HDAC9: variants seen among roughly 807,000 people sequenced by gnomAD.
The protein encoded by HDAC9 is histone deacetylase 9.
A neutral mutation model predicts 139.4 loss-of-function variants in HDAC9; 41 were observed. The observed-to-expected ratio is 0.29, with a 90% CI of 0.23 to 0.38. The LOEUF (loss-of-function observed/expected upper bound fraction) is 0.38. Among genes scored for constraint, HDAC9 ranks in the 10% least tolerant of loss-of-function variants. The pLI, the probability that HDAC9 is intolerant of heterozygous loss-of-function variation, is 1.00. For missense variants in HDAC9, 1,147 were observed against 1,297.0 expected, an observed-to-expected ratio of 0.88 and a Z score of 1.78; for synonymous variants, 517 against 476.2, an observed-to-expected ratio of 1.09 and a Z score of -1.12.
intron 12 of HDAC9, among the ~76,000 whole-genome samples, chr7:18,717,640 A>T (rs1230884872): frequency 6.6e-6 from 1 of 152,122 alleles, no homozygotes; most frequent in Non-Finnish European, 1.5e-5. Flanking sequence ...CATGTTGGTC[A>T]GACTGGTCTC....
chr7:18,269,961 C>G (rs1796250231), intron 2 of HDAC9, among the ~76,000 whole-genome samples: 1 of 152,052 alleles, frequency 6.6e-6, no homozygotes, highest in Non-Finnish European at 1.5e-5. Flanking sequence ...ACAGGGGTTT[C>G]TCAACCTCAG....
chr7:18,100,259 G>C (rs1217301104), intron 1 of HDAC9, among the ~76,000 whole-genome samples: 1 of 151,766 alleles, frequency 6.6e-6, no homozygotes, highest in Non-Finnish European at 1.5e-5. Flanking sequence ...TGAACAATTT[G>C]ATTTTAATGT....
chr7:18,788,072 A>G (rs531187507), intron 16 of HDAC9, among the ~76,000 whole-genome samples: 15 of 152,278 alleles, frequency 9.9e-5, no homozygotes, highest in African/African-American at 3.1e-4. Flanking sequence ...TCAGGGTTCC[A>G]TGGCAACCTC....
intron 17 of HDAC9, among the ~76,000 whole-genome samples, chr7:18,794,847 A>G (rs1253344935): frequency 6.6e-6 from 1 of 152,230 alleles, no homozygotes; most frequent in Non-Finnish European, 1.5e-5. Context: ...TTATAATTTT[A>G]AAGATTATGC....
intron 2 of HDAC9, among the ~76,000 whole-genome samples, chr7:18,517,189 A>G (rs1188028670): frequency 1.3e-5 from 2 of 152,228 alleles, no homozygotes; most frequent in East Asian, 3.8e-4. Context: ...AAGGTTAAGC[A>G]GTGCAGGGCG....
rs201142177 is a variant in HDAC9, at chr7:18,732,750, T to TAC, written c.1909+5000_1909+5001dup. Among the ~76,000 whole-genome samples, 104 of 62,680 alleles carry TAC rather than the reference T, an allele frequency of 1.7e-3. 8 individuals are homozygous for TAC. Among genetic ancestry groups the TAC allele is most frequent in the African/African-American group, 6.3e-3 (57 of 9,070 alleles). The allele number at this position is 62,680 out of a possible 152,430, so 41.1% of individuals were successfully genotyped here. The stretch of plus-strand genomic sequence containing the variant: ...ACACACGTGTATGTGTGCGTATGTG[T>TAC]ACACACACGTGTATGTGTGCGTATG... On this transcript the variant is annotated intron_variant, in intron 13 of 25. Coordinates refer to ENST00000686413, the MANE Select transcript of HDAC9 (RefSeq NM_178425.4).
intron 1 of HDAC9, among the ~76,000 whole-genome samples, chr7:18,151,012 TA>T (rs1786739528): frequency 6.6e-6 from 1 of 152,212 alleles, no homozygotes; most frequent in Non-Finnish European, 1.5e-5. Flanking sequence ...TGGATTGAGC[TA>T]TTTATATGTG....
At chr7:18,401,269 T>A (rs1302994811) in intron 1 of HDAC9, among the ~76,000 whole-genome samples, 2 of 152,100 alleles carry the variant, frequency 1.3e-5, no homozygotes, top group Non-Finnish European at 2.9e-5. Context: ...AAACTTATAC[T>A]CAAGGAAAGG....
At chr7:18,480,055 TC>T (rs111767145) in intron 1 of HDAC9, among the ~76,000 whole-genome samples, 1 of 151,872 alleles carries the variant, frequency 6.6e-6, no homozygotes, top group African/African-American at 2.4e-5. Context: ...TATTTTTTTT[TC>T]CCTAGTCTGC....
chr7:18,816,214 T>G (rs1472517986), intron 17 of HDAC9, among the ~76,000 whole-genome samples: 1 of 152,228 alleles, frequency 6.6e-6, no homozygotes, highest in Non-Finnish European at 1.5e-5. Flanking sequence ...CTACAATCTT[T>G]AGTAGACATA....
intron 2 of HDAC9, among the ~76,000 whole-genome samples, chr7:18,279,925 A>C (rs1001124357): frequency 9.9e-5 from 15 of 152,204 alleles, no homozygotes; most frequent in Admixed American, 2.6e-4. Context: ...CTAGTGTCGA[A>C]AGGGGAATTC....
chr7:18,371,178 C>T (rs77616620), intron 1 of HDAC9, among the ~76,000 whole-genome samples: 3 of 152,190 alleles, frequency 2.0e-5, no homozygotes, highest in Non-Finnish European at 2.9e-5. Flanking sequence ...CCAGTTGCTC[C>T]GCAGCAATAA....
At chr7:18,729,004 G>A (rs1217090238) in intron 13 of HDAC9, among the ~76,000 whole-genome samples, 1 of 152,036 alleles carries the variant, frequency 6.6e-6, no homozygotes, top group Non-Finnish European at 1.5e-5. Context: ...CAGATATTCC[G>A]GAAAACCCAG....
chr7:18,086,836 CGCGCGCCGCCGCCCGCTCAGCTCGCA>C (rs1285589167), upstream of HDAC9: 2 of 149,960 alleles, frequency 1.3e-5, no homozygotes, highest in Admixed American at 1.3e-4. Flanking sequence ...GCAAATTCTC[CGCGCGCCGCCGCCCGCTCAGCTCGCA>C]GCTCGCAGCC....
At chr7:18,215,013 G>A (rs984899303) in intron 2 of HDAC9, among the ~76,000 whole-genome samples, 2 of 151,986 alleles carry the variant, frequency 1.3e-5, no homozygotes, top group Non-Finnish European at 2.9e-5. Flanking sequence ...TAAGTACTAT[G>A]GTATGATAAT....
At chr7:18,866,688 A>G (rs908367607) in intron 21 of HDAC9, among the ~76,000 whole-genome samples, 6 of 152,232 alleles carry the variant, frequency 3.9e-5, no homozygotes, top group African/African-American at 1.2e-4. Flanking sequence ...ATAAGTTAAG[A>G]TGTTGTGAAA....
chr7:18,860,489 A>T (rs376761916), intron 21 of HDAC9, among the ~76,000 whole-genome samples: 1 of 152,148 alleles, frequency 6.6e-6, no homozygotes, highest in Non-Finnish European at 1.5e-5. Context: ...AACCATGAGG[A>T]TTATGTTATT....
At chr7:18,657,089 A>T (rs1352900544) in intron 11 of HDAC9, among the ~76,000 whole-genome samples, 1 of 152,054 alleles carries the variant, frequency 6.6e-6, no homozygotes, top group Non-Finnish European at 1.5e-5. Context: ...GTCTTTTGAG[A>T]AGTGTCCATT....
intron 11 of HDAC9, among the ~76,000 whole-genome samples, chr7:18,665,731 C>G (rs911689038): frequency 6.6e-6 from 1 of 151,896 alleles, no homozygotes; most frequent in Non-Finnish European, 1.5e-5. Context: ...TGTATAGGTA[C>G]AAGAAAATTA....
Sources: gnomAD v4.1 joint callset for allele counts (sites outside exome capture counted in the v4.1 genomes callset) on GRCh38, gnomAD v4.1.1 for gene constraint, MANE v1.5 for transcripts, NCBI Gene and HGNC (gene_info 2026-07-23, HGNC 2026-07-21) for gene names.